Variants in TMC1 observed in about 807,000 individuals in gnomAD.
TMC1 encodes transmembrane channel-like protein 1.
A neutral mutation model predicts 105.8 loss-of-function variants in TMC1; 84 were observed. That is an observed-to-expected ratio of 0.79 (90% CI 0.67 to 0.95). TMC1 has a LOEUF of 0.95. Among genes scored for constraint, TMC1 ranks in the 40% least tolerant of loss-of-function variants. The pLI is 0.00. For synonymous variants in TMC1, 315 were observed against 311.5 expected (o/e 1.01, Z -0.12); for missense variants, 817 against 914.1 (o/e 0.89, Z 1.37).
At chr9:72,744,590 C>T (rs560099285) in intron 10 of TMC1, among the ~76,000 whole-genome samples, 3 of 152,288 alleles carry the variant, frequency 2.0e-5, no homozygotes, top group African/African-American at 4.8e-5. Context: ...TGCTTTGCTG[C>T]AGATTAGCTG....
At chr9:72,752,332 G>T (rs184902685) in intron 11 of TMC1, among the ~76,000 whole-genome samples, 4 of 152,156 alleles carry the variant, frequency 2.6e-5, no homozygotes, top group Admixed American at 6.5e-5. Flanking sequence ...ATTTTGCCAA[G>T]TTAGCTTTGA....
intron 5 of TMC1, among the ~76,000 whole-genome samples, chr9:72,653,402 G>T (rs1306268798): frequency 6.6e-6 from 1 of 152,154 alleles, no homozygotes. Context: ...ATGTTCGTCA[G>T]TAATGACTGA....
chr9:72,645,583 G>C (rs1234263343), intron 4 of TMC1, among the ~76,000 whole-genome samples: 1 of 152,156 alleles, frequency 6.6e-6, no homozygotes, highest in African/African-American at 2.4e-5. Flanking sequence ...TCTCATTATG[G>C]GAGTGTTTTG....
At chr9:72,656,704 T>C (rs944748256) in intron 5 of TMC1, among the ~76,000 whole-genome samples, 1 of 152,224 alleles carries the variant, frequency 6.6e-6, no homozygotes, top group Non-Finnish European at 1.5e-5. Flanking sequence ...TGAACTTCAT[T>C]TACAATTGGA....
At chr9:72,617,947 GTGTA>G (rs1218939906) in intron 3 of TMC1, among the ~76,000 whole-genome samples, 37 of 129,016 alleles carry the variant, frequency 2.9e-4, no homozygotes, top group Middle Eastern at 4.1e-3. Flanking sequence ...GTGTGTGTGT[GTGTA>G]TGTGTGATTT....
At chr9:72,638,562 A>C (rs1825573000) in intron 4 of TMC1, among the ~76,000 whole-genome samples, 1 of 152,150 alleles carries the variant, frequency 6.6e-6, no homozygotes, top group African/African-American at 2.4e-5. Flanking sequence ...TATTCTGTAC[A>C]AAGGAGCTGG....
intron 2 of TMC1, among the ~76,000 whole-genome samples, chr9:72,607,485 G>C (rs1193800964): frequency 6.6e-6 from 1 of 151,898 alleles, no homozygotes; most frequent in Non-Finnish European, 1.5e-5. Flanking sequence ...TGGGTGTGGT[G>C]GCGGGCGCCT....
intron 13 of TMC1, among the ~76,000 whole-genome samples, chr9:72,774,985 C>T (rs769899000): frequency 2.0e-5 from 3 of 152,152 alleles, no homozygotes; most frequent in Non-Finnish European, 4.4e-5. Flanking sequence ...ATTCTGTTAG[C>T]GTCTGCATAC....
intron 1 of TMC1, among the ~76,000 whole-genome samples, chr9:72,548,598 G>A (rs935935019): frequency 5.3e-5 from 8 of 150,970 alleles, no homozygotes; most frequent in Non-Finnish European, 8.8e-5. Flanking sequence ...TACAGTAACT[G>A]CAATTGTTTA....
Position 72,766,374 on chromosome 9 carries a change from G to A in TMC1, c.742-6039G>A, listed in dbSNP as rs1437304579. On this transcript the variant is annotated intron_variant, in intron 12 of 23. Coordinates refer to ENST00000297784, the MANE Select transcript of TMC1 (RefSeq NM_138691.3). The stretch of plus-strand genomic sequence containing the variant: ...GGAGCTTGCAGTGAGCCGAAATTGC[G>A]CCACTGCACTCCAGCCTGGGTGACA... Among the ~76,000 whole-genome samples, 8 of 148,396 alleles carry A rather than the reference G, an allele frequency of 5.4e-5. No individual in the cohort carries two copies. The East Asian group carries it at 7.9e-4, about 15-fold the overall frequency.
chr9:72,700,570 G>T lies in TMC1; in HGVS notation c.289G>T (p.Asp97Tyr). Reference protein sequence around the residue: ...EELERLKAELDEKRQIIATVK... With the variant: ...EELERLKAELYEKRQIIATVK... Reference sequence around the variant, plus strand: ...ATTGGAAAGATTGAAGGCAGAGTTAGATGAGAAAAGACAAATAATTGCTAC... The same window carrying T: ...ATTGGAAAGATTGAAGGCAGAGTTATATGAGAAAAGACAAATAATTGCTAC... The change falls in exon 8 of 24, where the codon GAT becomes TAT. Residue 97 changes from aspartate to tyrosine, a missense_variant. Transcript: ENST00000297784. The T allele has an allele frequency of 1.9e-6, 3 of 1,607,684 alleles. No homozygotes were observed. Among genetic ancestry groups the T allele is most frequent in the Non-Finnish European group, 2.6e-6 (3 of 1,175,722 alleles).
intron 8 of TMC1, among the ~76,000 whole-genome samples, chr9:72,728,279 A>G (rs1393505065): frequency 2.6e-5 from 4 of 152,144 alleles, no homozygotes; most frequent in Admixed American, 2.6e-4. Flanking sequence ...GAAAGCAAAT[A>G]TATGGGGGAA....
At chr9:72,625,737 T>A (rs1384887846) in intron 3 of TMC1, among the ~76,000 whole-genome samples, 1 of 151,946 alleles carries the variant, frequency 6.6e-6, no homozygotes, top group Non-Finnish European at 1.5e-5. Context: ...TGGTCTAGAT[T>A]GAATGCTCTC....
chr9:72,707,028 G>A (rs1226462297), intron 8 of TMC1, among the ~76,000 whole-genome samples: 2 of 152,120 alleles, frequency 1.3e-5, no homozygotes, highest in Non-Finnish European at 2.9e-5. Flanking sequence ...GCCCACCTTG[G>A]CCTCCCAAAG....
chr9:72,535,141 T>A (rs1361206758), intron 1 of TMC1, among the ~76,000 whole-genome samples: 1 of 152,190 alleles, frequency 6.6e-6, no homozygotes, highest in African/African-American at 2.4e-5. Context: ...GATGAAGGCA[T>A]GTTTTCAGGG....
chr9:72,683,523 T>TAA (rs200458074), intron 5 of TMC1, among the ~76,000 whole-genome samples: 3 of 150,766 alleles, frequency 2.0e-5, no homozygotes, highest in Non-Finnish European at 4.4e-5. Flanking sequence ...AGGTTTTTTT[T>TAA]TAAAAAAATC....
intron 20 of TMC1, among the ~76,000 whole-genome samples, chr9:72,824,722 G>A (rs988167877): frequency 2.6e-5 from 4 of 152,206 alleles, no homozygotes; most frequent in Non-Finnish European, 5.9e-5. Context: ...AGGTAGACAC[G>A]ACAGTATAGA....
At chr9:72,561,895 C>G (rs1433151982) in intron 1 of TMC1, among the ~76,000 whole-genome samples, 1 of 151,950 alleles carries the variant, frequency 6.6e-6, no homozygotes, top group Non-Finnish European at 1.5e-5. Flanking sequence ...GTAATCCGCA[C>G]TACTTGGGAA....
At chr9:72,565,959 T>C (rs1467754110) in intron 1 of TMC1, among the ~76,000 whole-genome samples, 4 of 152,220 alleles carry the variant, frequency 2.6e-5, no homozygotes, top group Non-Finnish European at 2.9e-5. Flanking sequence ...AGCCAAACTG[T>C]ATCAGTATGC....
Sources: allele counts gnomAD v4.1 joint callset (sites outside exome capture counted in the v4.1 genomes callset), GRCh38; gene constraint gnomAD v4.1.1; transcripts MANE v1.5; gene names NCBI Gene and HGNC (gene_info 2026-07-23, HGNC 2026-07-21).